GRIA4: variants seen among roughly 807,000 people sequenced by gnomAD.
The protein encoded by GRIA4 is glutamate receptor 4.
A neutral mutation model predicts 104.0 loss-of-function variants in GRIA4; 34 were observed. The observed-to-expected ratio is 0.33, with a 90% CI of 0.25 to 0.44. The LOEUF (loss-of-function observed/expected upper bound fraction) is 0.44, where lower values mean the gene tolerates loss of function less well. Among genes scored for constraint, GRIA4 ranks in the 20% least tolerant of loss-of-function variants. GRIA4 has a pLI of 1.00. For missense variants in GRIA4, 750 were observed against 1,096.5 expected, an observed-to-expected ratio of 0.68 and a Z score of 4.46; for synonymous variants, 386 against 381.9, an observed-to-expected ratio of 1.01 and a Z score of -0.13.
chr11:105,726,011 A>G (rs543277200), intron 3 of GRIA4, among the ~76,000 whole-genome samples: 1 of 151,700 alleles, frequency 6.6e-6, no homozygotes, highest in East Asian at 1.9e-4. Context: ...TTTTTTTCAT[A>G]CCCCAGTGGC....
chr11:105,969,555 T>A (rs773467205), intron 14 of GRIA4, among the ~76,000 whole-genome samples: 1 of 152,188 alleles, frequency 6.6e-6, no homozygotes, highest in Non-Finnish European at 1.5e-5. Context: ...AGAAGCCTAA[T>A]GCAGTCTTCA....
chr11:105,739,308 T>C (rs1050649396), intron 3 of GRIA4, among the ~76,000 whole-genome samples: 1 of 152,132 alleles, frequency 6.6e-6, no homozygotes. Context: ...TCTCAATTAG[T>C]TTAATTTAGA....
chr11:105,853,778 C>A (rs766514074), intron 4 of GRIA4, among the ~76,000 whole-genome samples: 28 of 152,104 alleles, frequency 1.8e-4, no homozygotes, highest in Non-Finnish European at 3.2e-4. Context: ...ACTCTCCTTT[C>A]TTTCCACTTT....
intron 14 of GRIA4, among the ~76,000 whole-genome samples, chr11:105,944,139 A>G (rs1180559096): frequency 5.3e-5 from 8 of 152,182 alleles, no homozygotes; most frequent in African/African-American, 1.9e-4. Context: ...ACAAGATATC[A>G]TTGTATAACA....
chr11:105,950,080 G>T (rs371900711), intron 14 of GRIA4, among the ~76,000 whole-genome samples: 26 of 152,312 alleles, frequency 1.7e-4, no homozygotes, highest in East Asian at 1.5e-3. Context: ...GAATTGTTGA[G>T]AAAGCTTGAA....
intron 3 of GRIA4, among the ~76,000 whole-genome samples, chr11:105,711,144 T>C (rs1416726915): frequency 6.6e-6 from 1 of 152,140 alleles, no homozygotes; most frequent in Admixed American, 6.6e-5. Context: ...AATGTATTAT[T>C]ATTCACCTGA....
At chr11:105,953,540 T>A (rs991683647) in intron 14 of GRIA4, among the ~76,000 whole-genome samples, 1 of 152,222 alleles carries the variant, frequency 6.6e-6, no homozygotes, top group African/African-American at 2.4e-5. Context: ...GAATAGTCTA[T>A]GTAGAGTTGG....
chr11:105,811,003 G>C (rs1467505994), intron 4 of GRIA4, among the ~76,000 whole-genome samples: 2 of 152,102 alleles, frequency 1.3e-5, no homozygotes, highest in African/African-American at 4.8e-5. Context: ...CCTTATTGTA[G>C]TGCTACAATT....
At chr11:105,721,619 G>A (rs1166999295) in intron 3 of GRIA4, among the ~76,000 whole-genome samples, 1 of 152,162 alleles carries the variant, frequency 6.6e-6, no homozygotes, top group African/African-American at 2.4e-5. Context: ...CAAAGATCCT[G>A]CCCTAGCAGG....
rs145567318 is a variant in GRIA4 at position 105,630,903 on chromosome 11, C to T, written c.247+18469C>T. Reference sequence around the variant, plus strand: ...GACAGTCATACAAGCTGTCCTCCATCCTCCCTCTGAGTTCTTATGTCTCAT... The same window carrying T: ...GACAGTCATACAAGCTGTCCTCCATTCTCCCTCTGAGTTCTTATGTCTCAT... On this transcript the variant is annotated intron_variant, in intron 3 of 16. Transcript: ENST00000282499. Among the ~76,000 whole-genome samples, 346 of 152,224 alleles carry T rather than the reference C, an allele frequency of 2.3e-3. 1 individual carries two copies. Among genetic ancestry groups the T allele is most frequent in the Non-Finnish European group, 3.8e-3 (257 of 68,016 alleles).
chr11:105,909,486 T>G (rs1273815220), intron 9 of GRIA4, among the ~76,000 whole-genome samples: 1 of 152,146 alleles, frequency 6.6e-6, no homozygotes, highest in East Asian at 1.9e-4. Flanking sequence ...GAGTTTTGAA[T>G]TCAGGCCCTA....
chr11:105,953,368 A>C (rs2136244404), intron 14 of GRIA4, among the ~76,000 whole-genome samples: 1 of 152,232 alleles, frequency 6.6e-6, no homozygotes, highest in Non-Finnish European at 1.5e-5. Context: ...TTTTTTGCTT[A>C]CTTGCTCCAT....
At chr11:105,781,038 C>G (rs1941704987) in intron 4 of GRIA4, among the ~76,000 whole-genome samples, 1 of 152,120 alleles carries the variant, frequency 6.6e-6, no homozygotes, top group Non-Finnish European at 1.5e-5. Flanking sequence ...CTCAAGTTCG[C>G]ACAGTGAAGG....
chr11:105,980,420 C>T lies in GRIA4; in HGVS notation c.*681C>T, dbSNP rs1408587147. 6.6e-6 allele frequency: 1 copy of T among 152,588 alleles called. No individual in the cohort carries two copies. Among genetic ancestry groups the T allele is most frequent in the Non-Finnish European group, 1.5e-5 (1 of 68,032 alleles). 9.5% of individuals were successfully genotyped at this position (152,588 alleles called of 1,614,324 possible). ...TTGCAATAATTGATATAAATGCCAT[C>T]ACTGTAATAAACTTTAGAGACTTTT... On this transcript the variant is annotated 3_prime_UTR_variant, in exon 17 of 17. Transcript: ENST00000282499.
At chr11:105,938,606 A>AT (rs908479445) in intron 14 of GRIA4, among the ~76,000 whole-genome samples, 7 of 152,264 alleles carry the variant, frequency 4.6e-5, no homozygotes, top group Admixed American at 1.3e-4. Flanking sequence ...TAGATAACTT[A>AT]TTTTTTGTAA....
chr11:105,961,897 T>G (rs7125602), intron 14 of GRIA4, among the ~76,000 whole-genome samples: 1 of 152,114 alleles, frequency 6.6e-6, no homozygotes, highest in Non-Finnish European at 1.5e-5. Flanking sequence ...TCCTATTAAG[T>G]GAGATGGAAT....
intron 8 of GRIA4, among the ~76,000 whole-genome samples, chr11:105,904,947 G>A (rs1310411577): frequency 6.6e-6 from 1 of 152,090 alleles, no homozygotes; most frequent in Non-Finnish European, 1.5e-5. Flanking sequence ...ACTAAAAATG[G>A]AAACTTTATA....
At chr11:105,724,243 T>C (rs947747772) in intron 3 of GRIA4, among the ~76,000 whole-genome samples, 2 of 151,950 alleles carry the variant, frequency 1.3e-5, no homozygotes, top group African/African-American at 4.8e-5. Context: ...TTTATTGCAG[T>C]GATATTTACC....
chr11:105,839,839 TTTG>T (rs1421357087), intron 4 of GRIA4, among the ~76,000 whole-genome samples: 3 of 152,146 alleles, frequency 2.0e-5, no homozygotes, highest in Non-Finnish European at 4.4e-5. Context: ...TTATAATAGC[TTTG>T]TTATTATATT....
Sources: gnomAD v4.1 joint callset for allele counts (sites outside exome capture counted in the v4.1 genomes callset) on GRCh38, gnomAD v4.1.1 for gene constraint, MANE v1.5 for transcripts, NCBI Gene and HGNC (gene_info 2026-07-23, HGNC 2026-07-21) for gene names.